Variants in TBC1D22A observed in about 807,000 individuals in gnomAD.
The protein encoded by TBC1D22A is TBC1 domain family member 22A, also known as putative GTPase activator.
TBC1D22A carries 38 observed loss-of-function variants against 60.2 expected under a neutral mutation model. The ratio of observed to expected loss-of-function variants is 0.63; its 90% CI spans 0.49 to 0.83. The LOEUF is 0.83. Ranked by LOEUF, TBC1D22A falls within the 40% of genes least tolerant of loss-of-function variation. The probability of loss-of-function intolerance (pLI) is 0.00; values close to 1 mark genes in which losing one functional copy is unlikely to be tolerated. For missense variants in TBC1D22A, 628 were observed against 701.0 expected (o/e 0.90, Z 1.18); for synonymous variants, 302 against 281.7 (o/e 1.07, Z -0.72).
chr22:47,044,083 G>A (rs534292629), intron 11 of TBC1D22A, among the ~76,000 whole-genome samples: 8 of 113,820 alleles, frequency 7.0e-5, no homozygotes, highest in East Asian at 2.8e-4. Context: ...CGCTGAGGCC[G>A]TGCTGCCTGG....
chr22:46,899,562 C>T (rs1471278693), intron 7 of TBC1D22A, among the ~76,000 whole-genome samples: 1 of 152,164 alleles, frequency 6.6e-6, no homozygotes, highest in African/African-American at 2.4e-5. Flanking sequence ...ATGGCAAATC[C>T]CGAATGTGCC....
chr22:46,784,156 C>T (rs1209815238), intron 1 of TBC1D22A, among the ~76,000 whole-genome samples: 2 of 152,164 alleles, frequency 1.3e-5, no homozygotes, highest in Non-Finnish European at 2.9e-5. Flanking sequence ...TGTGATCCAT[C>T]TACTTTAGCC....
intron 12 of TBC1D22A, among the ~76,000 whole-genome samples, chr22:47,122,960 A>G (rs1412570553): frequency 6.6e-6 from 1 of 152,236 alleles, no homozygotes; most frequent in Admixed American, 6.5e-5. Context: ...TTTAAAGATC[A>G]ATGGCAGCTT....
At chr22:47,144,377 C>A (rs575499841) in intron 12 of TBC1D22A, among the ~76,000 whole-genome samples, 6 of 152,192 alleles carry the variant, frequency 3.9e-5, no homozygotes, top group Non-Finnish European at 7.3e-5. Flanking sequence ...CTGGCACAGG[C>A]TACAGCATAA....
chr22:46,771,755 C>T lies in TBC1D22A; in HGVS notation c.62+8907C>T, dbSNP rs578156420. 5.3e-5 allele frequency among the ~76,000 whole-genome samples: 8 copies of T among 152,124 alleles called. No homozygotes were observed. In the South Asian group the frequency reaches 1.0e-3, roughly 20 times the overall value. Reference sequence around the variant, plus strand: ...GATTATAGGCACATGCCACCATGCCCGCCTAATTTTTGTATTTTTAGTAGA... The same window carrying T: ...GATTATAGGCACATGCCACCATGCCTGCCTAATTTTTGTATTTTTAGTAGA... On this transcript the variant is annotated intron_variant, in intron 1 of 12. Transcript: ENST00000337137.
intron 11 of TBC1D22A, among the ~76,000 whole-genome samples, chr22:47,053,725 G>A (rs2063302386): frequency 6.6e-6 from 1 of 152,266 alleles, no homozygotes; most frequent in African/African-American, 2.4e-5. Context: ...TGAGTCAGCT[G>A]ACAACATCAC....
intron 10 of TBC1D22A, among the ~76,000 whole-genome samples, chr22:47,022,819 A>G (rs2062134110): frequency 6.6e-6 from 1 of 152,198 alleles, no homozygotes; most frequent in African/African-American, 2.4e-5. Flanking sequence ...TAGAAACCTG[A>G]ACGAAATACT....
intron 5 of TBC1D22A, among the ~76,000 whole-genome samples, chr22:46,882,293 G>A (rs9626917): frequency 0.01 from 1,557 of 152,270 alleles, 27 homozygotes; most frequent in African/African-American, 0.036. Flanking sequence ...AGGCGAGGGT[G>A]TGGGAGGTTC....
At chr22:46,779,265 C>A (rs557851680) in intron 1 of TBC1D22A, among the ~76,000 whole-genome samples, 1 of 152,286 alleles carries the variant, frequency 6.6e-6, no homozygotes, top group Non-Finnish European at 1.5e-5. Flanking sequence ...CACTAGGTGA[C>A]AGGAATTTTT....
chr22:46,826,152 A>G (rs2086055745), intron 4 of TBC1D22A, among the ~76,000 whole-genome samples: 1 of 152,140 alleles, frequency 6.6e-6, no homozygotes, highest in Non-Finnish European at 1.5e-5. Flanking sequence ...AAGTGCTGGG[A>G]TTATAGGCGT....
chr22:47,004,924 AC>A (rs2061533076), intron 10 of TBC1D22A, among the ~76,000 whole-genome samples: 1 of 151,782 alleles, frequency 6.6e-6, no homozygotes, highest in Non-Finnish European at 1.5e-5. Context: ...ATACACATAC[AC>A]CTACATACAT....
chr22:47,019,509 A>G (rs1159853390), intron 10 of TBC1D22A, among the ~76,000 whole-genome samples: 2 of 152,142 alleles, frequency 1.3e-5, no homozygotes, highest in African/African-American at 2.4e-5. Context: ...AGGTTGGGAC[A>G]TCGGTGCTGA....
intron 11 of TBC1D22A, among the ~76,000 whole-genome samples, chr22:47,109,413 G>T (rs1235419338): frequency 6.6e-6 from 1 of 152,156 alleles, no homozygotes; most frequent in Non-Finnish European, 1.5e-5. Flanking sequence ...TGTATGCAGG[G>T]CACTGTATCC....
intron 12 of TBC1D22A, among the ~76,000 whole-genome samples, chr22:47,130,464 C>T (rs1034492171): frequency 7.9e-5 from 12 of 152,190 alleles, no homozygotes; most frequent in South Asian, 2.1e-4. Context: ...GTCTGGATAC[C>T]GCTGCCTTCT....
chr22:47,021,840 C>T (rs532384012), intron 10 of TBC1D22A, among the ~76,000 whole-genome samples: 1 of 152,348 alleles, frequency 6.6e-6, no homozygotes, highest in African/African-American at 2.4e-5. Context: ...GGGTTCAGGG[C>T]CTGCTCCTCT....
intron 12 of TBC1D22A, among the ~76,000 whole-genome samples, chr22:47,143,700 C>T (rs933910893): frequency 9.2e-5 from 14 of 152,218 alleles, no homozygotes; most frequent in Non-Finnish European, 2.1e-4. Context: ...AGCTCTCTGA[C>T]GGGTGCCTAG....
At chr22:46,870,466 T>G (rs756408596) in intron 4 of TBC1D22A, among the ~76,000 whole-genome samples, 4 of 152,248 alleles carry the variant, frequency 2.6e-5, no homozygotes, top group Non-Finnish European at 4.4e-5. Context: ...CTTAATCTCA[T>G]TCATTTTCTA....
chr22:47,100,007 G>A (rs1382423552), intron 11 of TBC1D22A, among the ~76,000 whole-genome samples: 2 of 152,228 alleles, frequency 1.3e-5, no homozygotes, highest in African/African-American at 4.8e-5. Context: ...GGACTGGGCT[G>A]CAGGCCTGAG....
chr22:46,806,072 C>T (rs1303455662), intron 4 of TBC1D22A, among the ~76,000 whole-genome samples: 1 of 152,028 alleles, frequency 6.6e-6, no homozygotes, highest in Non-Finnish European at 1.5e-5. Flanking sequence ...AGGCTGGTCT[C>T]GAACTCCTGA....
Sources: gnomAD v4.1 joint callset for allele counts (sites outside exome capture counted in the v4.1 genomes callset) on GRCh38, gnomAD v4.1.1 for gene constraint, MANE v1.5 for transcripts, NCBI Gene and HGNC (gene_info 2026-07-23, HGNC 2026-07-21) for gene names.